The following CBFB variants were observed in gnomAD, a reference collection of about 807,000 sequenced individuals.
CBFB encodes CBF-beta.
A neutral mutation model predicts 30.4 loss-of-function variants in CBFB; 9 were observed. The observed-to-expected ratio is 0.30, with a 90% CI of 0.18 to 0.52. CBFB has a LOEUF of 0.52. Ranked by LOEUF, CBFB falls within the 20% of genes least tolerant of loss-of-function variation. The pLI is 0.97. For missense variants in CBFB, 170 were observed against 244.0 expected, an observed-to-expected ratio of 0.70 and a Z score of 2.02; for synonymous variants, 94 against 84.0, an observed-to-expected ratio of 1.12 and a Z score of -0.65.
chr16:67,045,516 GAA>G (rs558443024), intron 3 of CBFB, among the ~76,000 whole-genome samples: 1 of 144,738 alleles, frequency 6.9e-6, no homozygotes, highest in Non-Finnish European at 1.5e-5. Flanking sequence ...GACTCTGTCT[GAA>G]AAAAAAAAAA....
At chr16:67,053,198 G>A (rs1377057455) in intron 3 of CBFB, among the ~76,000 whole-genome samples, 1 of 149,638 alleles carries the variant, frequency 6.7e-6, no homozygotes, top group Non-Finnish European at 1.5e-5. Context: ...AAACTAGGAA[G>A]CACACACTTC....
intron 5 of CBFB, among the ~76,000 whole-genome samples, chr16:67,098,422 C>G (rs746739603): frequency 6.6e-6 from 1 of 152,204 alleles, no homozygotes; most frequent in Non-Finnish European, 1.5e-5. Context: ...CAGGCATGAG[C>G]CACTGCGCCC....
At chr16:67,037,166 G>A (rs921841010) in intron 3 of CBFB, among the ~76,000 whole-genome samples, 4 of 152,038 alleles carry the variant, frequency 2.6e-5, no homozygotes, top group East Asian at 1.9e-4. Flanking sequence ...CAAAGTGTTG[G>A]GATTACAGGC....
At chr16:67,043,257 G>A (rs537943133) in intron 3 of CBFB, among the ~76,000 whole-genome samples, 24 of 152,040 alleles carry the variant, frequency 1.6e-4, no homozygotes, top group Admixed American at 3.3e-4. Flanking sequence ...TAAATTTAGC[G>A]AACTCAGAAA....
chr16:67,095,053 A>G (rs753975595), intron 5 of CBFB, among the ~76,000 whole-genome samples: 202 of 151,956 alleles, frequency 1.3e-3, no homozygotes, highest in Middle Eastern at 3.4e-3. Flanking sequence ...CCCTGTCTCT[A>G]CTAAAAGTAA....
chr16:67,056,810 T>C (rs1347253470), intron 3 of CBFB, among the ~76,000 whole-genome samples: 1 of 152,074 alleles, frequency 6.6e-6, no homozygotes, highest in Non-Finnish European at 1.5e-5. Context: ...GCCTCCTGAG[T>C]AGCTGGGACT....
chr16:67,029,588 CG>C, intron 1 of CBFB, 103 bp downstream of exon 1: 1 of 1,342,686 alleles, frequency 7.4e-7, no homozygotes, highest in South Asian at 1.3e-5. Flanking sequence ...CCGGTCGGTG[CG>C]CCCGCGGAGG....
At chr16:67,071,776 G>T (rs1358853487) in intron 4 of CBFB, among the ~76,000 whole-genome samples, 1 of 152,186 alleles carries the variant, frequency 6.6e-6, no homozygotes, top group Non-Finnish European at 1.5e-5. Context: ...GTGCAGTACA[G>T]TTCCTAAACA....
intron 3 of CBFB, among the ~76,000 whole-genome samples, chr16:67,042,981 C>G (rs1966557516): frequency 6.6e-6 from 1 of 152,212 alleles, no homozygotes; most frequent in African/African-American, 2.4e-5. Context: ...GGTGATCTGC[C>G]TGCCTCAGCC....
At chr16:67,094,469 C>T (rs1373013719) in intron 5 of CBFB, among the ~76,000 whole-genome samples, 1 of 152,122 alleles carries the variant, frequency 6.6e-6, no homozygotes, top group African/African-American at 2.4e-5. Context: ...GGGAAAACTC[C>T]AGCTGCTGAT....
Position 67,029,311 on chromosome 16 carries a change from C to T in CBFB, c.-97C>T. 2 of 824,124 alleles carry T rather than the reference C, an allele frequency of 2.4e-6. No homozygotes were observed. The highest frequency in any genetic ancestry group is 1.1e-4 in the South Asian group (2 of 18,562). 51.1% of individuals were successfully genotyped at this position (824,124 alleles called of 1,614,324 possible). ...ACAAAGGGAAGCGGGCGTCCGGGCG[C>T]CGCGGGTGGGCGGTCAGTCGGTCAG... is the stretch of plus-strand genomic sequence containing the variant. On this transcript the variant is annotated 5_prime_UTR_variant, in exon 1 of 6. Transcript: ENST00000412916.
intron 3 of CBFB, among the ~76,000 whole-genome samples, chr16:67,057,385 C>T (rs1960761424): frequency 6.6e-6 from 1 of 152,156 alleles, no homozygotes; most frequent in Non-Finnish European, 1.5e-5. Flanking sequence ...CCATTATTTA[C>T]AAAAATCCCC....
At chr16:67,053,223 A>G (rs2145733749) in intron 3 of CBFB, among the ~76,000 whole-genome samples, 1 of 150,974 alleles carries the variant, frequency 6.6e-6, no homozygotes. Context: ...CAGTGTAAAC[A>G]ACGGACTCTA....
intron 1 of CBFB, 58 bp downstream of exon 1, chr16:67,029,543 G>A: frequency 6.6e-7 from 1 of 1,511,938 alleles, no homozygotes; most frequent in Non-Finnish European, 8.9e-7. Flanking sequence ...GGGCCCGGGC[G>A]GAGAAAAGTT....
intron 3 of CBFB, among the ~76,000 whole-genome samples, chr16:67,065,038 T>C (rs529510577): frequency 2.6e-5 from 4 of 152,226 alleles, no homozygotes; most frequent in African/African-American, 9.6e-5. Context: ...GCTGGGATTA[T>C]AGCTGTGCGC....
chr16:67,045,577 C>T (rs559144074), intron 3 of CBFB, among the ~76,000 whole-genome samples: 4 of 152,112 alleles, frequency 2.6e-5, no homozygotes, highest in South Asian at 2.1e-4. Context: ...AGTTAGAGTA[C>T]GTGAATCTGC....
intron 4 of CBFB, among the ~76,000 whole-genome samples, chr16:67,072,937 T>TG (rs1273788042): frequency 6.6e-6 from 1 of 152,116 alleles, no homozygotes; most frequent in Non-Finnish European, 1.5e-5. Flanking sequence ...GGTCTTGAAT[T>TG]GCTGGCTTCA....
At chr16:67,049,562 A>G (rs923437327) in intron 3 of CBFB, among the ~76,000 whole-genome samples, 18 of 152,188 alleles carry the variant, frequency 1.2e-4, no homozygotes, top group African/African-American at 4.1e-4. Context: ...TGGCACAACC[A>G]TGGCTCACTG....
chr16:67,090,278 G>C (rs1961846919), intron 5 of CBFB, among the ~76,000 whole-genome samples: 1 of 152,084 alleles, frequency 6.6e-6, no homozygotes, highest in African/African-American at 2.4e-5. Flanking sequence ...GCACTATTCT[G>C]TACTTGTATA....
Sources: gnomAD v4.1 joint callset for allele counts (sites outside exome capture counted in the v4.1 genomes callset) on GRCh38, gnomAD v4.1.1 for gene constraint, MANE v1.5 for transcripts, NCBI Gene and HGNC (gene_info 2026-07-23, HGNC 2026-07-21) for gene names.